Variants in ADGRB3 observed in about 807,000 individuals in gnomAD.
ADGRB3 encodes the protein adhesion G protein-coupled receptor B3.
Under a neutral mutation model 193.4 loss-of-function variants are expected in ADGRB3, and 37 were observed. The ratio of observed to expected loss-of-function variants is 0.19; its 90% CI spans 0.15 to 0.25. ADGRB3 has a LOEUF of 0.25. Among genes scored for constraint, ADGRB3 ranks in the 10% least tolerant of loss-of-function variants. The pLI, the probability that ADGRB3 is intolerant of heterozygous loss-of-function variation, is 1.00. For synonymous variants in ADGRB3, 690 were observed against 644.2 expected (o/e 1.07, Z -1.08); for missense variants, 1,637 against 1,852.9 (o/e 0.88, Z 2.14).
intron 3 of ADGRB3, among the ~76,000 whole-genome samples, chr6:68,903,791 G>A (rs1562079395): frequency 6.6e-6 from 1 of 151,560 alleles, no homozygotes; most frequent in African/African-American, 2.4e-5. Flanking sequence ...TGAGAGGATC[G>A]CTTGAGGCCA....
chr6:69,328,533 G>C (rs1433406796), intron 22 of ADGRB3, among the ~76,000 whole-genome samples: 1 of 152,112 alleles, frequency 6.6e-6, no homozygotes, highest in Admixed American at 6.6e-5. Flanking sequence ...TCCAAGTTGA[G>C]GAGGCAGTTA....
At chr6:69,372,817 A>T (rs1478826425) in intron 30 of ADGRB3, among the ~76,000 whole-genome samples, 1 of 151,962 alleles carries the variant, frequency 6.6e-6, no homozygotes, top group Non-Finnish European at 1.5e-5. Context: ...GCCTGAAGAG[A>T]TCCTGTGAGT....
chr6:68,684,149 CTCAG>C (rs1167486389), intron 3 of ADGRB3, among the ~76,000 whole-genome samples: 2 of 152,162 alleles, frequency 1.3e-5, no homozygotes, highest in Admixed American at 1.3e-4. Flanking sequence ...TTCTCTTGTT[CTCAG>C]TCATAGTGTC....
At chr6:68,967,010 G>C (rs781710794) in intron 8 of ADGRB3, among the ~76,000 whole-genome samples, 13 of 152,186 alleles carry the variant, frequency 8.5e-5, no homozygotes, top group African/African-American at 3.1e-4. Flanking sequence ...AGAATGCCAA[G>C]TCACCTTTGA....
chr6:69,113,374 A>G (rs963116666), intron 17 of ADGRB3, among the ~76,000 whole-genome samples: 1 of 152,042 alleles, frequency 6.6e-6, no homozygotes, highest in African/African-American at 2.4e-5. Flanking sequence ...ATATATGTAT[A>G]TGTATGTATA....
intron 20 of ADGRB3, among the ~76,000 whole-genome samples, chr6:69,279,430 G>A (rs1034397532): frequency 5.3e-5 from 8 of 151,088 alleles, no homozygotes; most frequent in Admixed American, 3.3e-4. Context: ...TCGTAAAGGC[G>A]AAAATTTGTT....
At chr6:68,794,528 C>T (rs1397475906) in intron 3 of ADGRB3, among the ~76,000 whole-genome samples, 1 of 152,086 alleles carries the variant, frequency 6.6e-6, no homozygotes, top group Non-Finnish European at 1.5e-5. Context: ...TTATATACCA[C>T]TTTATATGCC....
intron 10 of ADGRB3, among the ~76,000 whole-genome samples, chr6:68,988,421 T>C (rs1320290728): frequency 6.6e-6 from 1 of 152,086 alleles, no homozygotes; most frequent in African/African-American, 2.4e-5. Context: ...TCCATGATTA[T>C]TGCAGGGAGA....
intron 13 of ADGRB3, among the ~76,000 whole-genome samples, chr6:69,035,523 G>T (rs1562130895): frequency 1.3e-5 from 2 of 152,122 alleles, no homozygotes; most frequent in African/African-American, 2.4e-5. Context: ...AAGGTCAAGA[G>T]CTAACATAGA....
At chr6:69,174,334 T>C (rs1187359824) in intron 17 of ADGRB3, among the ~76,000 whole-genome samples, 1 of 152,232 alleles carries the variant, frequency 6.6e-6, no homozygotes, top group Non-Finnish European at 1.5e-5. Flanking sequence ...TTCCCACTTA[T>C]GAGTGAAAAC....
At chr6:68,787,367 T>C (rs969570925) in intron 3 of ADGRB3, among the ~76,000 whole-genome samples, 1 of 152,128 alleles carries the variant, frequency 6.6e-6, no homozygotes, top group Non-Finnish European at 1.5e-5. Flanking sequence ...GCATGAAGCG[T>C]TGTTGAATTT....
chr6:68,638,719 A>C lies in ADGRB3; in HGVS notation c.44A>C (p.Tyr15Ser). The part of the protein sequence containing the change: ...RNLLIYIFST[Y>S]LLVMFGFNAA... ...CTGCTGATTTATATATTTTCCACCT[A>C]TCTCCTGGTTATGTTTGGATTTAAT... The change falls in exon 3 of 32, where the codon TAT (tyrosine) becomes TCT (serine). Residue 15 changes from tyrosine to serine, a missense_variant. By Grantham distance (144) the Tyr-to-Ser change is moderately radical. Around this residue, in one of 7 missense-constraint regions of ADGRB3, gnomAD observed 365 missense variants for 409.8 expected, o/e 0.89. Coordinates refer to ENST00000370598, the MANE Select transcript of ADGRB3 (RefSeq NM_001704.3). 1 of 1,614,026 alleles carries C rather than the reference A, an allele frequency of 6.2e-7. No homozygotes were observed. Among genetic ancestry groups the C allele is most frequent in the Non-Finnish European group, 8.5e-7 (1 of 1,179,996 alleles).
At chr6:69,046,661 G>A (rs1005179670) in intron 13 of ADGRB3, among the ~76,000 whole-genome samples, 1 of 152,058 alleles carries the variant, frequency 6.6e-6, no homozygotes, top group East Asian at 1.9e-4. Flanking sequence ...TGCTGATAAT[G>A]GAATGACTAA....
Position 68,791,826 on chromosome 6 carries a change from CAATATAGA to C in ADGRB3, c.758-138731_758-138724del, listed in dbSNP as rs1257929547. Among the ~76,000 whole-genome samples the C allele has an allele frequency of 2.7e-4, 41 of 152,222 alleles. No homozygotes were observed. The East Asian group carries it at 7.5e-3, about 28-fold the overall frequency. On this transcript the variant is annotated intron_variant, in intron 3 of 31. Transcript: ENST00000370598. Reference sequence around the variant, plus strand: ...TAAATTAAAAATCAGTTCAATGTGACAATATAGAACATTTTGGCCAAGCCAAAAATATA... The same window carrying C: ...TAAATTAAAAATCAGTTCAATGTGACACATTTTGGCCAAGCCAAAAATATA...
rs762674677 is a variant in ADGRB3, at chr6:69,233,282, C to A, written c.2481-8C>A. On this transcript the variant is annotated splice_region_variant and splice_polypyrimidine_tract_variant and intron_variant, in intron 17 of 31. Transcript: ENST00000370598. ...CCCGATTTCCTCCCCCCTCACTCCC[C>A]TTTGCAGGAACGAGTCTTTGGGAAC... 5.6e-6 allele frequency: 9 copies of A among 1,613,510 alleles called. No homozygotes were observed. The highest frequency in any genetic ancestry group is 7.6e-6 in the Non-Finnish European group (9 of 1,179,774).
At chr6:68,749,406 A>ATG (rs1402921928) in intron 3 of ADGRB3, among the ~76,000 whole-genome samples, 30 of 101,118 alleles carry the variant, frequency 3.0e-4, no homozygotes, top group African/African-American at 9.4e-4. Context: ...ATATATATAT[A>ATG]TATGTGTGTG....
Position 68,935,368 on chromosome 6 carries a change from T to C in ADGRB3, c.869-1151T>C, listed in dbSNP as rs370760455. ...CCTTGAGTAGCACTGCAAATAATTT[T>C]CAAGTCATTTACTAACTCTCTAGAA... On this transcript the variant is annotated intron_variant, in intron 4 of 31. Coordinates refer to ENST00000370598, the MANE Select transcript of ADGRB3 (RefSeq NM_001704.3). 1.3e-4 allele frequency among the ~76,000 whole-genome samples: 20 copies of C among 152,310 alleles called. No individual in the cohort carries two copies. In the East Asian group the frequency reaches 2.5e-3, roughly 19 times the overall value.
At chr6:68,737,597 G>A (rs541052916) in intron 3 of ADGRB3, among the ~76,000 whole-genome samples, 2 of 152,226 alleles carry the variant, frequency 1.3e-5, no homozygotes, top group Admixed American at 1.3e-4. Context: ...GAAGTGGAGT[G>A]ACTGTAGAGA....
intron 11 of ADGRB3, among the ~76,000 whole-genome samples, chr6:68,994,594 A>G (rs1212899260): frequency 2.0e-5 from 3 of 152,218 alleles, no homozygotes; most frequent in African/African-American, 7.2e-5. Context: ...CTTTGCCATT[A>G]AAACAAAGCT....
Sources: allele counts gnomAD v4.1 joint callset (sites outside exome capture counted in the v4.1 genomes callset), GRCh38; gene constraint gnomAD v4.1.1; regional missense constraint gnomAD v4.1.1; transcripts MANE v1.5; gene names NCBI Gene and HGNC (gene_info 2026-07-23, HGNC 2026-07-21).